HEATR6: variants seen among roughly 807,000 people sequenced by gnomAD.
The protein encoded by HEATR6 is HEAT repeat-containing protein 6.
Under a neutral mutation model 132.8 loss-of-function variants are expected in HEATR6, and 106 were observed. That is an observed-to-expected ratio of 0.80 (90% CI 0.68 to 0.94). The LOEUF is 0.94. Among genes scored for constraint, HEATR6 ranks in the 40% least tolerant of loss-of-function variants. HEATR6 has a pLI of 0.00. For synonymous variants in HEATR6, 529 were observed against 537.8 expected (o/e 0.98, Z 0.23); for missense variants, 1,339 against 1,425.1 (o/e 0.94, Z 0.97).
At chr17:60,073,978 A>G (rs937403489) in intron 2 of HEATR6, 92 bp from the exon 3 acceptor site, 2 of 1,490,374 alleles carry the variant, frequency 1.3e-6, no homozygotes, top group Non-Finnish European at 1.8e-6. Context: ...CAAGCTGTAT[A>G]AAAGAGAGAG....
At position 60,067,517 on chromosome 17, in the gene HEATR6, G is replaced by C; in HGVS notation, c.1155C>G (p.Ser385=). 2 of 1,611,664 alleles carry C rather than the reference G, an allele frequency of 1.2e-6. No individual in the cohort carries two copies. The highest frequency in any genetic ancestry group is 1.7e-6 in the Non-Finnish European group (2 of 1,179,210). The change falls in exon 8 of 20, where the codon TCC becomes TCG. Residue 385 remains serine (S), a synonymous_variant. Coordinates refer to ENST00000184956, the MANE Select transcript of HEATR6 (RefSeq NM_022070.5). ...GAAEKDGVSS[S]FSSSSWKRVS... is the part of the protein sequence containing the mutation. ...CCCTTTTCCAACTGGAAGAACTGAA[G>C]GATGAGGAGACTCCATCTTTTTCTG...
intron 13 of HEATR6, among the ~76,000 whole-genome samples, 160 bp from the exon 14 acceptor site, chr17:60,055,761 T>G (rs1906724167): frequency 1.3e-5 from 2 of 152,218 alleles, no homozygotes; most frequent in South Asian, 4.1e-4. Flanking sequence ...ACCTTCACTT[T>G]AGTAACACCT....
intron 16 of HEATR6, among the ~76,000 whole-genome samples, chr17:60,049,340 G>A (rs1906503498): frequency 6.6e-6 from 1 of 151,694 alleles, no homozygotes; most frequent in Non-Finnish European, 1.5e-5. Context: ...AAGTTGCCCA[G>A]GCTGGTCTCA....
rs1449321763 is a variant in HEATR6 at position 60,066,272 on chromosome 17, A to C, written c.1353T>G (p.Pro451=). ...ACACTGACTGTGGGCTGCCAAGTTC[A>C]GGCGTATCAGGAATAAAAGCTGACC... ...GYWSAFIPDT[P]ELGSPQSVSL... is the part of the protein sequence containing the mutation. The change falls in exon 9 of 20, where the codon CCT becomes CCG. Residue 451 remains proline, a synonymous_variant. Transcript: ENST00000184956. 1 of 1,614,112 alleles carries C rather than the reference A, an allele frequency of 6.2e-7. No individual in the cohort carries two copies. The highest frequency in any genetic ancestry group is 1.7e-5 in the Admixed American group (1 of 60,024).
chr17:60,076,165 T>C lies in HEATR6; in HGVS notation c.292A>G (p.Ser98Gly). 1 of 1,611,674 alleles carries C rather than the reference T, an allele frequency of 6.2e-7. No individual in the cohort carries two copies. Among genetic ancestry groups the C allele is most frequent in the Non-Finnish European group, 8.5e-7 (1 of 1,178,826 alleles). ...TTAAGTAAATGGTGGATAAGCTGGC[T>C]CACTTTGCTGACAAGATGATTCTGA... is the stretch of plus-strand genomic sequence containing the variant. ...LNQNHLVSKVSQLIHHLLNRL... is the reference protein window; with the variant it reads ...LNQNHLVSKVGQLIHHLLNRL... Residue 98 changes from serine (S) to glycine (G), a missense_variant, in exon 2 of 20, where the codon AGC becomes GGC. Transcript: ENST00000184956.
At chr17:60,045,845 A>G (rs1260589528) in intron 19 of HEATR6, among the ~76,000 whole-genome samples, 180 bp downstream of exon 19, 1 of 152,216 alleles carries the variant, frequency 6.6e-6, no homozygotes, top group Non-Finnish European at 1.5e-5. Flanking sequence ...ATATCCCATT[A>G]TATATCCCAT....
At chr17:60,070,014 A>G (rs2083262878) in intron 6 of HEATR6, among the ~76,000 whole-genome samples, 166 bp from the exon 7 acceptor site, 2 of 152,220 alleles carry the variant, frequency 1.3e-5, no homozygotes, top group Admixed American at 6.5e-5. Context: ...GAAAATAGAT[A>G]CCTTGAAGGC....
At chr17:60,050,265 C>T (rs1243457942) in intron 15 of HEATR6, among the ~76,000 whole-genome samples, 1 of 152,166 alleles carries the variant, frequency 6.6e-6, no homozygotes, top group Non-Finnish European at 1.5e-5. Context: ...AGAGCGAACC[C>T]TCCCAAGGCA....
intron 7 of HEATR6, among the ~76,000 whole-genome samples, chr17:60,068,626 T>C (rs1194435989): frequency 3.3e-5 from 5 of 150,916 alleles, no homozygotes; most frequent in Admixed American, 2.7e-4. Context: ...CCACTCTTTC[T>C]CTCCCCGCAC....
At chr17:60,050,536 G>A (rs965355888) in intron 15 of HEATR6, among the ~76,000 whole-genome samples, 5 of 152,124 alleles carry the variant, frequency 3.3e-5, no homozygotes, top group African/African-American at 1.2e-4. Context: ...GAAGAGCTGG[G>A]CTTTAACTCA....
chr17:60,073,186 A>T lies in HEATR6; in HGVS notation c.562T>A (p.Cys188Ser), dbSNP rs201627147. 334 of 1,610,652 alleles carry T rather than the reference A, an allele frequency of 2.1e-4. No individual in the cohort carries two copies. Among genetic ancestry groups the T allele is most frequent in the Non-Finnish European group, 2.8e-4 (324 of 1,176,878 alleles). Residue 188 changes from cysteine to serine, a missense_variant, in exon 4 of 20, where the codon TGT (cysteine) becomes AGT (serine). Physicochemically the swap from Cys to Ser is moderately radical, Grantham distance 112. Transcript: ENST00000184956. ...DPEVRRAAVH[C>S]MANLCLSVPG... ...TACCTGAGACATAAGTTTGCCATAC[A>T]ATGTACTGCAGCTCTCCTGACTTCA...
Position 60,057,374 on chromosome 17 carries a change from G to C in HEATR6, c.1753C>G (p.Leu585Val), listed in dbSNP as rs1568621357. 1.2e-6 allele frequency: 2 copies of C among 1,605,816 alleles called. No individual in the cohort carries two copies. The highest frequency in any genetic ancestry group is 8.5e-7 in the Non-Finnish European group (1 of 1,174,860). ...TGGGTGGACACTATAGCTCCCAAGA[G>C]TGTGAGACTTGACACACGAACATTA... is the stretch of plus-strand genomic sequence containing the variant. ...DVNVRVSSLT[L>V]LGAIVSTHAP... The change falls in exon 12 of 20, where the codon CTC (leucine) becomes GTC (valine). Residue 585 changes from leucine to valine, a missense_variant. Physicochemically the swap from Leu to Val is conservative, Grantham distance 32. Coordinates refer to ENST00000184956, the MANE Select transcript of HEATR6 (RefSeq NM_022070.5).
chr17:60,070,491 A>G (rs960285881), intron 6 of HEATR6, among the ~76,000 whole-genome samples: 3 of 152,176 alleles, frequency 2.0e-5, no homozygotes, highest in African/African-American at 7.2e-5. Flanking sequence ...AGATTCATAA[A>G]TAATTTTAAA....
At chr17:60,071,692 C>T (rs2145200732) in intron 5 of HEATR6, among the ~76,000 whole-genome samples, 2 of 152,242 alleles carry the variant, frequency 1.3e-5, no homozygotes, top group East Asian at 3.9e-4. Context: ...TATGATCCCA[C>T]TTAAAGCTGT....
At chr17:60,048,921 GC>G (rs1906462038) in intron 16 of HEATR6, among the ~76,000 whole-genome samples, 1 of 146,036 alleles carries the variant, frequency 6.8e-6, no homozygotes, top group South Asian at 2.2e-4. Flanking sequence ...TTTATTGGGT[GC>G]CTAAGGTCCC....
At position 60,074,003 on chromosome 17, in the gene HEATR6, T is replaced by G. The variant is rs530229742; in HGVS notation, c.328-117A>C. 2.8e-6 allele frequency: 4 copies of G among 1,428,888 alleles called. No individual in the cohort carries two copies. In the African/African-American group the frequency reaches 5.8e-5, roughly 21 times the overall value. 88.5% of individuals were successfully genotyped at this position (1,428,888 alleles called of 1,614,324 possible). A position where few individuals can be genotyped will look rare whatever the true frequency, so the allele number is the denominator to read the frequency against. ...AAAAGAGAGAGTGTGTGTCTGTCGT[T>G]TATGTGTCAAAAGGATCACCTCTAA... On this transcript the variant is annotated intron_variant, in intron 2 of 19. Coordinates refer to ENST00000184956, the MANE Select transcript of HEATR6 (RefSeq NM_022070.5).
At chr17:60,046,647 T>C (rs549082485) in intron 18 of HEATR6, among the ~76,000 whole-genome samples, 20 of 152,336 alleles carry the variant, frequency 1.3e-4, no homozygotes, top group African/African-American at 2.4e-4. Flanking sequence ...TTTCTCCTTT[T>C]GTTTTAAAAC....
chr17:60,044,105 T>C lies in HEATR6; in HGVS notation c.3004A>G (p.Asn1002Asp). Reference sequence around the variant, plus strand: ...GATGTCACGACCGATGTCAGGGCATTGTAGGCCTGGGAGGTCCATGGGGCT... The same window carrying C: ...GATGTCACGACCGATGTCAGGGCATCGTAGGCCTGGGAGGTCCATGGGGCT... ...GTAPWTSQAY[N>D]ALTSVVTSCK... The change falls in exon 20 of 20, where the codon AAT becomes GAT. Residue 1002 changes from asparagine to aspartate, a missense_variant. Asn to Asp is a conservative substitution (Grantham distance 23). Transcript: ENST00000184956. The C allele has an allele frequency of 6.2e-7, 1 of 1,612,866 alleles. No individual in the cohort carries two copies. The highest frequency in any genetic ancestry group is 8.5e-7 in the Non-Finnish European group (1 of 1,179,284).
At position 60,067,600 on chromosome 17, in the gene HEATR6, T is replaced by C; in HGVS notation, c.1072A>G (p.Thr358Ala). The C allele has an allele frequency of 6.2e-7, 1 of 1,612,824 alleles. No individual in the cohort carries two copies. Among genetic ancestry groups the C allele is most frequent in the Non-Finnish European group, 8.5e-7 (1 of 1,179,542 alleles). ...TGRVNLHEGN[T>A]WCPSSLGVQS... ...ACACCCAGGGAGGAGGGACACCAAG[T>C]GTTCCCTTCATGCAGGTTCACTCTG... Residue 358 changes from threonine to alanine, a missense_variant, in exon 8 of 20, where the codon ACT becomes GCT. Thr to Ala is a moderately conservative substitution (Grantham distance 58). Coordinates refer to ENST00000184956, the MANE Select transcript of HEATR6 (RefSeq NM_022070.5).
Sources: allele counts gnomAD v4.1 joint callset (sites outside exome capture counted in the v4.1 genomes callset), GRCh38; gene constraint gnomAD v4.1.1; transcripts MANE v1.5; gene names NCBI Gene and HGNC (gene_info 2026-07-23, HGNC 2026-07-21).